The following CHRDL2 variants were observed in gnomAD, a reference collection of about 807,000 sequenced individuals.
The protein encoded by CHRDL2 is chordin-like protein 2.
CHRDL2 carries 41 observed loss-of-function variants against 54.3 expected under a neutral mutation model. The observed-to-expected ratio is 0.76, with a 90% CI of 0.59 to 0.98. CHRDL2 has a LOEUF of 0.98. Among genes scored for constraint, CHRDL2 ranks in the 50% least tolerant of loss-of-function variants. The pLI is 0.00. For synonymous variants in CHRDL2, 220 were observed against 224.3 expected, an observed-to-expected ratio of 0.98 and a Z score of 0.17; for missense variants, 518 against 562.4, an observed-to-expected ratio of 0.92 and a Z score of 0.80.
chr11:74,701,315 G>C, intron 9 of CHRDL2: 1 of 375,672 alleles, frequency 2.7e-6, no homozygotes, highest in Non-Finnish European at 4.8e-6. Flanking sequence ...ATATAGCAGA[G>C]TCTGGATTCA....
chr11:74,708,277 C>T (rs781566201), intron 5 of CHRDL2, 25 bp downstream of exon 5: 4 of 1,502,178 alleles, frequency 2.7e-6, no homozygotes, highest in Non-Finnish European at 3.6e-6. Flanking sequence ...TGGGTGAGTG[C>T]TGCCAGATGG....
At chr11:74,714,819 G>A (rs2034299408) in intron 2 of CHRDL2, among the ~76,000 whole-genome samples, 1 of 152,184 alleles carries the variant, frequency 6.6e-6, no homozygotes, top group Non-Finnish European at 1.5e-5. Context: ...AGGAGCCAAG[G>A]ATGGCGATGA....
chr11:74,714,856 G>C (rs1169745208), intron 2 of CHRDL2, among the ~76,000 whole-genome samples: 1 of 152,192 alleles, frequency 6.6e-6, no homozygotes, highest in Non-Finnish European at 1.5e-5. Flanking sequence ...GCAGGAAACA[G>C]GATGGAGACA....
chr11:74,700,489 C>T (rs758785445), intron 9 of CHRDL2, among the ~76,000 whole-genome samples: 8 of 152,148 alleles, frequency 5.3e-5, no homozygotes, highest in Non-Finnish European at 1.0e-4. Flanking sequence ...ACCCAGGTCA[C>T]TAAGCCTCCT....
chr11:74,719,827 C>T (rs2034463060), intron 1 of CHRDL2, among the ~76,000 whole-genome samples: 1 of 152,166 alleles, frequency 6.6e-6, no homozygotes, highest in South Asian at 2.1e-4. Flanking sequence ...CCATAACCCA[C>T]TGATCCACTC....
At chr11:74,704,401 G>C in intron 7 of CHRDL2, 85 bp downstream of exon 7, 1 of 1,326,882 alleles carries the variant, frequency 7.5e-7, no homozygotes, top group Non-Finnish European at 1.0e-6. Flanking sequence ...CTGAGGAGAG[G>C]GTTCAGGGGG....
At chr11:74,703,041 ATGT>A in intron 8 of CHRDL2, 74 bp from the exon 9 acceptor site, 5 of 1,415,850 alleles carry the variant, frequency 3.5e-6, no homozygotes, top group Non-Finnish European at 4.8e-6. Context: ...ATATTCTAAA[ATGT>A]TGTGACTTCA....
chr11:74,698,090 T>G (rs931099987), intron 9 of CHRDL2: 22 of 151,776 alleles, frequency 1.4e-4, no homozygotes, highest in African/African-American at 4.9e-4. Context: ...TTTGACGGAG[T>G]TTCACTCTTG....
At chr11:74,709,906 C>T (rs965762498) in intron 4 of CHRDL2, among the ~76,000 whole-genome samples, 2 of 152,138 alleles carry the variant, frequency 1.3e-5, no homozygotes, top group African/African-American at 4.8e-5. Flanking sequence ...GGATGAGTTG[C>T]CAAGCCCAGG....
chr11:74,710,776 G>T (rs923150843), intron 4 of CHRDL2, 73 bp downstream of exon 4: 10 of 1,517,104 alleles, frequency 6.6e-6, no homozygotes, highest in Non-Finnish European at 8.9e-6. Context: ...CCCCCAGTCC[G>T]CAGTCCAGGC....
chr11:74,708,541 C>A, intron 4 of CHRDL2, 146 bp from the exon 5 acceptor site: 1 of 608,952 alleles, frequency 1.6e-6, no homozygotes, highest in Non-Finnish European at 2.8e-6. Flanking sequence ...CACAGCAAGG[C>A]CCGGCCAGCT....
At chr11:74,704,419 T>TGTGGGGGGG in intron 7 of CHRDL2, 67 bp downstream of exon 7, 1 of 1,196,838 alleles carries the variant, frequency 8.4e-7, no homozygotes, top group Non-Finnish European at 1.1e-6. Context: ...GGGTTGGGGG[T>TGTGGGGGGG]GGGAGGTGGG....
intron 2 of CHRDL2, among the ~76,000 whole-genome samples, chr11:74,715,922 G>A (rs1292384765): frequency 6.6e-6 from 1 of 152,020 alleles, no homozygotes; most frequent in Non-Finnish European, 1.5e-5. Context: ...AGTTTGCAGT[G>A]AGCCGAGATC....
chr11:74,697,257 T>C lies in CHRDL2; in HGVS notation c.1161A>G (p.Gln387=), dbSNP rs748073000. Residue 387 remains glutamine, a synonymous_variant, in exon 10 of 11, where the codon CAA becomes CAG. Coordinates refer to ENST00000376332, the MANE Select transcript of CHRDL2 (RefSeq NM_001278473.3). The part of the protein sequence containing the change: ...HLTQIKKVRK[Q]DFQKEAQHFR... ...AGTGCTGTGCCTCTTTCTGGAAGTC[T>C]TGCTTCCTGACTTTCTTGATCTGAG... 1 of 1,614,048 alleles carries C rather than the reference T, an allele frequency of 6.2e-7. No individual in the cohort carries two copies. The highest frequency in any genetic ancestry group is 8.5e-7 in the Non-Finnish European group (1 of 1,180,006).
At position 74,718,843 on chromosome 11, in the gene CHRDL2, G is replaced by A. The variant is rs776287863; in HGVS notation, c.83-11C>T. 10 of 1,556,226 alleles carry A rather than the reference G, an allele frequency of 6.4e-6. No homozygotes were observed. Among genetic ancestry groups the A allele is most frequent in the East Asian group, 4.6e-5 (2 of 43,836 alleles). ...AGAACATGTCTGGGCCTGGCAAACC[G>A]ACCAGTGCCATGTTAGTCCCAGGAG... On this transcript the variant is annotated splice_polypyrimidine_tract_variant and intron_variant, in intron 1 of 10. Transcript: ENST00000376332.
chr11:74,719,669 T>C lies in CHRDL2; in HGVS notation c.83-837A>G, dbSNP rs527574388. On this transcript the variant is annotated intron_variant, in intron 1 of 10. Transcript: ENST00000376332. ...TCGTTGCTACTACTGTGATTTGTGA[T>C]TGGCACACCAATGGACTTTTTTGCA... Among the ~76,000 whole-genome samples the C allele has an allele frequency of 7.2e-5, 11 of 152,376 alleles. No homozygotes were observed. The South Asian group carries it at 2.1e-3, about 29-fold the overall frequency.
At chr11:74,730,708 C>G (rs1292118051) in intron 1 of CHRDL2, 99 bp downstream of exon 1, 10 of 1,137,204 alleles carry the variant, frequency 8.8e-6, no homozygotes, top group African/African-American at 1.5e-5. Flanking sequence ...GCTGCCTGGA[C>G]GGCTGTCAGA....
intron 1 of CHRDL2, among the ~76,000 whole-genome samples, chr11:74,728,414 T>G (rs1028101004): frequency 1.3e-5 from 2 of 152,192 alleles, no homozygotes; most frequent in African/African-American, 4.8e-5. Context: ...CCTTTCTAGA[T>G]TCATAGGCTG....
chr11:74,716,552 A>AAG (rs1478671149), intron 2 of CHRDL2, among the ~76,000 whole-genome samples: 1 of 145,532 alleles, frequency 6.9e-6, no homozygotes, highest in East Asian at 2.1e-4. Context: ...AAAAAAAAAA[A>AAG]AAAAAAAGAA....
Sources: allele counts gnomAD v4.1 joint callset (sites outside exome capture counted in the v4.1 genomes callset), GRCh38; gene constraint gnomAD v4.1.1; transcripts MANE v1.5; gene names NCBI Gene and HGNC (gene_info 2026-07-23, HGNC 2026-07-21).